The following KLK5 variants were observed in gnomAD, a reference collection of about 807,000 sequenced individuals.
KLK5 encodes kallikrein-5.
A neutral mutation model predicts 24.0 loss-of-function variants in KLK5; 18 were observed. That is an observed-to-expected ratio of 0.75 (90% confidence interval 0.52 to 1.11). The LOEUF is 1.11. Ranked by LOEUF, KLK5 falls within the 50% of genes most tolerant of loss-of-function variation. KLK5 has a pLI of 0.00. For synonymous variants in KLK5, 140 were observed against 154.0 expected, an observed-to-expected ratio of 0.91 and a Z score of 0.67; for missense variants, 374 against 379.2, an observed-to-expected ratio of 0.99 and a Z score of 0.11.
chr19:50,949,917 G>A lies in KLK5; in HGVS notation c.273C>T (p.Leu91=), dbSNP rs1226242552. ...GATGCACCAACACCGCCCCGCAGTAGAGCTGGTTGGGCCTTAGCAACAGCG... is the reference window on the plus strand; with the variant it reads ...GATGCACCAACACCGCCCCGCAGTAAAGCTGGTTGGGCCTTAGCAACAGCG... ...QAALLLRPNQ[L]YCGAVLVHPQ... Residue 91 remains leucine (L), a synonymous_variant, in exon 3 of 6, where the codon CTC becomes CTT. Transcript: ENST00000336334. 1 of 1,613,290 alleles carries A rather than the reference G, an allele frequency of 6.2e-7. No individual in the cohort carries two copies. The highest frequency in any genetic ancestry group is 8.5e-7 in the Non-Finnish European group (1 of 1,179,988).
rs769143053 is a variant in KLK5 at position 50,952,002 on chromosome 19, C to A, written c.73+583G>T. Among the ~76,000 whole-genome samples, 3 of 152,174 alleles carry A rather than the reference C, an allele frequency of 2.0e-5. No individual in the cohort carries two copies. The South Asian group carries it at 6.3e-4, about 32-fold the overall frequency. ...ATTTACACGGCCTCACACAGACACA[C>A]ACAGTCACATACAGTCACCCCTACA... On this transcript the variant is annotated intron_variant, in intron 2 of 5. Transcript: ENST00000336334.
At position 50,952,829 on chromosome 19, in the gene KLK5, A is replaced by G. The variant is rs1277684288; in HGVS notation, c.-94T>C. On this transcript the variant is annotated 5_prime_UTR_variant, in exon 1 of 6. Coordinates refer to ENST00000336334, the MANE Select transcript of KLK5 (RefSeq NM_012427.5). ...AGACCCAGGCACTATAGAATTCAGA[A>G]GATAGGAGTCTAGCAGCCTCCAGAC... The G allele has an allele frequency of 4.2e-6, 2 of 475,526 alleles. No homozygotes were observed. The highest frequency in any genetic ancestry group is 3.8e-5 in the South Asian group (1 of 26,514). 29.5% of individuals were successfully genotyped at this position (475,526 alleles called of 1,614,324 possible).
At chr19:50,950,418 A>C (rs2090677100) in intron 2 of KLK5, 1 of 444,768 alleles carries the variant, frequency 2.2e-6, no homozygotes, top group African/African-American at 2.0e-5. Flanking sequence ...GGGTAGTGCC[A>C]AAGCTGTGGG....
In KLK5 at chr19:50,949,944, G is replaced by C. The variant is rs141786164; in HGVS notation, c.246C>G (p.Ala82=). The change falls in exon 3 of 6, where the codon GCC becomes GCG. Residue 82 remains alanine, a synonymous_variant. Transcript: ENST00000336334. The stretch of plus-strand genomic sequence containing the variant: ...GCTGGTTGGGCCTTAGCAACAGCGC[G>C]GCCTGCCACGGCTGGGTGTGCATAT... ...DCDMHTQPWQ[A]ALLLRPNQLY... 1.2e-6 allele frequency: 2 copies of C among 1,613,568 alleles called. No individual in the cohort carries two copies. The highest frequency in any genetic ancestry group is 8.5e-7 in the Non-Finnish European group (1 of 1,179,988).
chr19:50,952,602 A>G lies in KLK5; in HGVS notation c.56T>C (p.Leu19Ser), dbSNP rs754259314. ...MWVLCALITALLLGVTEHVLA... is the reference protein window; with the variant it reads ...MWVLCALITASLLGVTEHVLA... ...CTGGTTACCTGTGACCCCCAGAAGCAAGGCTGTGATCAGAGCACAGAGCAC... is the reference window on the plus strand; with the variant it reads ...CTGGTTACCTGTGACCCCCAGAAGCGAGGCTGTGATCAGAGCACAGAGCAC... The change falls in exon 2 of 6, where the codon TTG becomes TCG. Residue 19 changes from leucine to serine, a missense_variant. Leu to Ser is a moderately radical substitution (Grantham distance 145, BLOSUM62 -2). Coordinates refer to ENST00000336334, the MANE Select transcript of KLK5 (RefSeq NM_012427.5). The G allele has an allele frequency of 1.2e-6, 2 of 1,606,804 alleles. No homozygotes were observed. Among genetic ancestry groups the G allele is most frequent in the African/African-American group, 1.3e-5 (1 of 74,574 alleles).
Position 50,952,760 on chromosome 19 carries a change from G to C in KLK5, c.-25C>G. On this transcript the variant is annotated 5_prime_UTR_variant, in exon 1 of 6. Transcript: ENST00000336334. ...TCCCTCCCCTACCTTATTTCCCCAG[G>C]TAGAGAGGAACCACAAGGACGGGCC... 3 of 755,148 alleles carry C rather than the reference G, an allele frequency of 4.0e-6. No individual in the cohort carries two copies. Among genetic ancestry groups the C allele is most frequent in the Non-Finnish European group, 6.2e-6 (3 of 485,632 alleles). The allele number at this position is 755,148 out of a possible 1,614,324, so 46.8% of individuals were successfully genotyped here.
rs2232539 is a variant in KLK5 at position 50,943,607 on chromosome 19, C to T, written c.*24G>A. On this transcript the variant is annotated 3_prime_UTR_variant, in exon 6 of 6. Coordinates refer to ENST00000336334, the MANE Select transcript of KLK5 (RefSeq NM_012427.5). ...CTGTCCCTGCAGCAGGTGGGGATGC[C>T]GGTGTGCTGAGTCCTGGGATGACTC... is the stretch of plus-strand genomic sequence containing the variant. The T allele has an allele frequency of 3.9e-4, 631 of 1,601,244 alleles. 1 individual carries two copies. The highest frequency in any genetic ancestry group is 4.7e-4 in the Non-Finnish European group (547 of 1,170,226).
At position 50,943,463 on chromosome 19, in the gene KLK5, G is replaced by T; in HGVS notation, c.*168C>A. ...TCCCAGGGTTCAACTAGAGAGACAC[G>T]GTCAGCCCAATGTGGGGGAAGCAGA... On this transcript the variant is annotated 3_prime_UTR_variant, in exon 6 of 6. Coordinates refer to ENST00000336334, the MANE Select transcript of KLK5 (RefSeq NM_012427.5). 1.6e-6 allele frequency: 1 copy of T among 610,346 alleles called. No individual in the cohort carries two copies. The highest frequency in any genetic ancestry group is 2.8e-6 in the Non-Finnish European group (1 of 353,622). The allele number at this position is 610,346 out of a possible 1,614,324, so 37.8% of individuals were successfully genotyped here.
At chr19:50,945,040 T>C (rs1033730111) in intron 5 of KLK5, among the ~76,000 whole-genome samples, 2 of 141,762 alleles carry the variant, frequency 1.4e-5, no homozygotes, top group African/African-American at 5.4e-5. Context: ...TTCCTTTCTT[T>C]CTCCTTCCTT....
chr19:50,946,568 T>TG (rs71333919), intron 5 of KLK5, among the ~76,000 whole-genome samples: 44,691 of 151,594 alleles, frequency 0.29, 10,091 homozygotes, highest in African/African-American at 0.64. Context: ...TCTTTTCTTT[T>TG]TTTTTTTTTG....
Position 50,950,025 on chromosome 19 carries a change from C to A in KLK5, c.165G>T (p.Gly55=). 6.2e-7 allele frequency: 1 copy of A among 1,613,634 alleles called. No individual in the cohort carries two copies. The part of the protein sequence containing the change: ...GSNQDLGAGA[G]EDARSDDSSS... ...TGCTGTCATCCGACCGGGCGTCTTC[C>A]CCGGCCCCAGCTCCCAGGTCCTGGT... Residue 55 remains glycine, a synonymous_variant, in exon 3 of 6, where the codon GGG becomes GGT. Transcript: ENST00000336334.
chr19:50,948,543 G>T (rs534105977), intron 5 of KLK5, 97 bp downstream of exon 5: 2 of 1,253,282 alleles, frequency 1.6e-6, no homozygotes, highest in Admixed American at 1.9e-5. Flanking sequence ...GGTCCTGACT[G>T]TCTTGGCAAT....
At chr19:50,950,695 C>A in intron 2 of KLK5, among the ~76,000 whole-genome samples, 1 of 152,124 alleles carries the variant, frequency 6.6e-6, no homozygotes, top group South Asian at 2.1e-4. Context: ...AGTTTGAGAC[C>A]AGCCTGGCCA....
chr19:50,949,174 A>C, intron 3 of KLK5, 59 bp from the exon 4 acceptor site: 1 of 1,556,598 alleles, frequency 6.4e-7, no homozygotes, highest in African/African-American at 1.4e-5. Context: ...GTCCAACGCC[A>C]ATCCCAACCC....
intron 3 of KLK5, 78 bp downstream of exon 3, chr19:50,949,775 TGA>T: frequency 5.5e-6 from 2 of 362,684 alleles, no homozygotes; most frequent in Non-Finnish European, 9.4e-6. Flanking sequence ...CTCACCTCCA[TGA>T]CACCCCCACC....
intron 5 of KLK5, among the ~76,000 whole-genome samples, chr19:50,944,635 C>T (rs1280545340): frequency 6.6e-6 from 1 of 152,316 alleles, no homozygotes; most frequent in African/African-American, 2.4e-5. Flanking sequence ...TCGATCTGGG[C>T]ACTGTGGGCA....
rs1444774984 is a variant in KLK5 at position 50,947,419 on chromosome 19, T to C, written c.726+1221A>G. ...CTTCTTTGTGTCATCCATTCTCTGC[T>C]CAAATGCCACCTCTCCAAGGAGGCT... On this transcript the variant is annotated intron_variant, in intron 5 of 5. Coordinates refer to ENST00000336334, the MANE Select transcript of KLK5 (RefSeq NM_012427.5). The surrounding 1 kb of genome is among the most constrained non-coding windows in gnomAD (Gnocchi z 8.7). Among the ~76,000 whole-genome samples the C allele has an allele frequency of 2.0e-5, 3 of 152,178 alleles. No individual in the cohort carries two copies. The highest frequency in any genetic ancestry group is 6.5e-5 in the Admixed American group (1 of 15,278).
chr19:50,948,794 G>A (rs1568528305), intron 4 of KLK5, 21 bp from the exon 5 acceptor site: 2 of 1,614,104 alleles, frequency 1.2e-6, no homozygotes, highest in Non-Finnish European at 1.7e-6. Context: ...GGAACACAAT[G>A]AGAAGTGGAG....
At chr19:50,946,848 C>T (rs2090640294) in intron 5 of KLK5, among the ~76,000 whole-genome samples, 2 of 152,114 alleles carry the variant, frequency 1.3e-5, no homozygotes, top group South Asian at 2.1e-4. Context: ...TGTGAGCCAC[C>T]ACGCCCGGCC....
Sources: allele counts gnomAD v4.1 joint callset (sites outside exome capture counted in the v4.1 genomes callset), GRCh38; gene constraint gnomAD v4.1.1; non-coding constraint Gnocchi (gnomAD v3.1); transcripts MANE v1.5; gene names NCBI Gene and HGNC (gene_info 2026-07-23, HGNC 2026-07-21).